Variants in SCD5 observed in about 807,000 individuals in gnomAD.
SCD5 encodes stearoyl-CoA desaturase 5, also known as acyl-CoA-desaturase 4.
Under a neutral mutation model 30.4 loss-of-function variants are expected in SCD5, and 20 were observed. The ratio of observed to expected loss-of-function variants is 0.66; its 90% confidence interval spans 0.46 to 0.96. The LOEUF is 0.96. Among genes scored for constraint, SCD5 ranks in the 40% least tolerant of loss-of-function variants. SCD5 has a pLI of 0.00. For missense variants in SCD5, 381 were observed against 443.3 expected, an observed-to-expected ratio of 0.86 and a Z score of 1.26; for synonymous variants, 173 against 176.4, an observed-to-expected ratio of 0.98 and a Z score of 0.16.
intron 1 of SCD5, among the ~76,000 whole-genome samples, chr4:82,772,647 G>A (rs1721653094): frequency 6.6e-6 from 1 of 152,118 alleles, no homozygotes; most frequent in Admixed American, 6.5e-5. Context: ...TCTACTGGCT[G>A]GCCTGGGCTT....
At chr4:82,652,085 G>A (rs112673363) in intron 3 of SCD5, among the ~76,000 whole-genome samples, 241 of 152,026 alleles carry the variant, frequency 1.6e-3, no homozygotes, top group African/African-American at 5.6e-3. Flanking sequence ...TGCTGGTCCT[G>A]GAACTACACT....
chr4:82,720,809 A>T (rs1720354482), intron 1 of SCD5, among the ~76,000 whole-genome samples: 1 of 152,146 alleles, frequency 6.6e-6, no homozygotes, highest in South Asian at 2.1e-4. Context: ...TGCTTAGTAG[A>T]TAAAGGGGTA....
At chr4:82,798,270 G>C in intron 1 of SCD5, 36 bp downstream of exon 1, 1 of 1,515,342 alleles carries the variant, frequency 6.6e-7, no homozygotes, top group Non-Finnish European at 8.8e-7. Flanking sequence ...GCCTGGCCAC[G>C]GAGGCCGGGG....
At chr4:82,664,055 CAG>C (rs1166990456) in intron 3 of SCD5, among the ~76,000 whole-genome samples, 1 of 152,168 alleles carries the variant, frequency 6.6e-6, no homozygotes, top group Non-Finnish European at 1.5e-5. Flanking sequence ...ACACAAACAA[CAG>C]AAGTCCACCC....
intron 2 of SCD5, among the ~76,000 whole-genome samples, chr4:82,690,539 T>C (rs1728810219): frequency 6.6e-6 from 1 of 152,212 alleles, no homozygotes; most frequent in Non-Finnish European, 1.5e-5. Flanking sequence ...ATCAATTTAC[T>C]TGGATGCTGT....
intron 3 of SCD5, among the ~76,000 whole-genome samples, chr4:82,667,186 C>A (rs997665466): frequency 3.9e-5 from 6 of 152,002 alleles, no homozygotes; most frequent in Non-Finnish European, 8.8e-5. Context: ...CCTCATCTTG[C>A]CAGGGGAATT....
intron 3 of SCD5, among the ~76,000 whole-genome samples, chr4:82,653,259 C>T (rs1727793485): frequency 6.6e-6 from 1 of 152,126 alleles, no homozygotes; most frequent in Non-Finnish European, 1.5e-5. Flanking sequence ...AATCTTGGTC[C>T]CCCACACCCT....
chr4:82,640,024 G>A (rs969242121), intron 3 of SCD5, among the ~76,000 whole-genome samples: 10 of 152,160 alleles, frequency 6.6e-5, no homozygotes, highest in Non-Finnish European at 1.2e-4. Context: ...AGTCATGAAG[G>A]CCCCAGGCAC....
At chr4:82,667,779 T>G (rs1293866107) in intron 3 of SCD5, among the ~76,000 whole-genome samples, 1 of 152,334 alleles carries the variant, frequency 6.6e-6, no homozygotes, top group South Asian at 2.1e-4. Flanking sequence ...CAATTTTTTT[T>G]GTTTAACAGT....
chr4:82,773,915 C>G (rs181979297), intron 1 of SCD5, among the ~76,000 whole-genome samples: 4 of 151,998 alleles, frequency 2.6e-5, no homozygotes, highest in African/African-American at 9.7e-5. Context: ...TATGGTGAAA[C>G]CTCGTCTTAC....
intron 1 of SCD5, among the ~76,000 whole-genome samples, chr4:82,739,635 T>C (rs17006205): frequency 0.15 from 22,158 of 152,244 alleles, 2,876 homozygotes; most frequent in African/African-American, 0.35. Flanking sequence ...TTGCCATGTG[T>C]GTGCTGAAAG....
chr4:82,630,722 CG>C lies in SCD5; in HGVS notation c.*604del, dbSNP rs34428564. The C allele has an allele frequency of 0.26, 40,126 of 151,890 alleles. 6,293 individuals carry two copies. The highest frequency in any genetic ancestry group is 0.44 in the African/African-American group (18,199 of 41,386). The allele number at this position is 151,890 out of a possible 1,614,324, so 9.4% of individuals were successfully genotyped here. On this transcript the variant is annotated 3_prime_UTR_variant, in exon 5 of 5. Coordinates refer to ENST00000319540, the MANE Select transcript of SCD5 (RefSeq NM_001037582.3). ...TCGGGAGGCTGAGGCAGGAGAATGGCGTGAACCCGGGAGGCGGAGCTTGCAG... is the reference window on the plus strand; with the variant it reads ...TCGGGAGGCTGAGGCAGGAGAATGGCTGAACCCGGGAGGCGGAGCTTGCAG...
intron 1 of SCD5, among the ~76,000 whole-genome samples, chr4:82,728,622 A>G (rs1251480797): frequency 8.5e-5 from 13 of 152,146 alleles, no homozygotes; most frequent in Admixed American, 8.5e-4. Context: ...GGCCCCACCC[A>G]GAGGCAGACT....
intron 1 of SCD5, among the ~76,000 whole-genome samples, chr4:82,796,084 C>T (rs868696898): frequency 1.3e-4 from 20 of 151,764 alleles, no homozygotes; most frequent in Non-Finnish European, 1.6e-4. Context: ...TCCTGGCTAA[C>T]ACGGTGAAAC....
chr4:82,798,314 A>C lies in SCD5; in HGVS notation c.224T>G (p.Leu75Arg). 6.2e-7 allele frequency: 1 copy of C among 1,609,550 alleles called. No individual in the cohort carries two copies. Among genetic ancestry groups the C allele is most frequent in the Non-Finnish European group, 8.5e-7 (1 of 1,178,296 alleles). ...GCGCCGGCGGGACTTACCCCAGAGC[A>C]GAGTGAGTGGCTTGGCTTTGGGGAT... Reference protein sequence around the residue: ...VLIPKAKPLTLLWAYFCFLLA... With the variant: ...VLIPKAKPLTRLWAYFCFLLA... Residue 75 changes from leucine to arginine, a missense_variant, in exon 1 of 5, where the codon CTG becomes CGG. Physicochemically the swap from Leu to Arg is moderately radical, Grantham distance 102 (BLOSUM62 -2). Coordinates refer to ENST00000319540, the MANE Select transcript of SCD5 (RefSeq NM_001037582.3).
chr4:82,750,963 C>T (rs906429614), intron 1 of SCD5, among the ~76,000 whole-genome samples: 5 of 152,156 alleles, frequency 3.3e-5, no homozygotes, highest in African/African-American at 9.7e-5. Context: ...GCTCTTAGAT[C>T]CGTGTTCCCT....
rs1727283498 is a variant in SCD5 at position 82,631,194 on chromosome 4, T to C, written c.*133A>G. ...CATTATTTTGAGATAAACAAAAACATTCCCAAACCACATTGACTCGTTCCT... is the reference window on the plus strand; with the variant it reads ...CATTATTTTGAGATAAACAAAAACACTCCCAAACCACATTGACTCGTTCCT... On this transcript the variant is annotated 3_prime_UTR_variant, in exon 5 of 5. Transcript: ENST00000319540. The C allele has an allele frequency of 1.9e-5, 12 of 644,520 alleles. No individual in the cohort carries two copies. The South Asian group carries it at 3.3e-4, about 18-fold the overall frequency. 39.9% of individuals were successfully genotyped at this position (644,520 alleles called of 1,614,324 possible).
intron 3 of SCD5, 133 bp downstream of exon 3, chr4:82,680,574 A>G (rs1317479078): frequency 1.3e-6 from 1 of 787,040 alleles, no homozygotes; most frequent in Middle Eastern, 3.7e-4. Context: ...ATAGAGATAA[A>G]TCTTATAAAT....
intron 2 of SCD5, among the ~76,000 whole-genome samples, chr4:82,704,255 T>C (rs1719922285): frequency 6.6e-6 from 1 of 152,224 alleles, no homozygotes; most frequent in Non-Finnish European, 1.5e-5. Flanking sequence ...CCACATGAGC[T>C]GTGTGTCTGA....
Sources: gnomAD v4.1 joint callset for allele counts (sites outside exome capture counted in the v4.1 genomes callset) on GRCh38, gnomAD v4.1.1 for gene constraint, MANE v1.5 for transcripts, NCBI Gene and HGNC (gene_info 2026-07-23, HGNC 2026-07-21) for gene names.